The following SEC24A variants were observed in gnomAD, a reference collection of about 807,000 sequenced individuals.
The protein encoded by SEC24A is protein transport protein Sec24A.
Under a neutral mutation model 129.4 loss-of-function variants are expected in SEC24A, and 93 were observed. The observed-to-expected ratio is 0.72, with a 90% CI of 0.61 to 0.85. The LOEUF (loss-of-function observed/expected upper bound fraction) is 0.85, where lower values mean the gene tolerates loss of function less well. SEC24A is among the 40% of genes least tolerant of loss of function. The probability of loss-of-function intolerance (pLI) is 0.00; values close to 1 mark genes in which losing one functional copy is unlikely to be tolerated. For missense variants in SEC24A, 1,264 were observed against 1,307.4 expected (o/e 0.97, Z 0.51); for synonymous variants, 460 against 467.3 (o/e 0.98, Z 0.20).
At chr5:134,723,822 C>T in intron 22 of SEC24A, 152 bp downstream of exon 22, 1 of 574,532 alleles carries the variant, frequency 1.7e-6, no homozygotes, top group Non-Finnish European at 3.1e-6. Context: ...ATTGGAAATA[C>T]AGAACTTTTT....
intron 2 of SEC24A, among the ~76,000 whole-genome samples, chr5:134,661,945 C>T (rs1750479724): frequency 6.6e-6 from 1 of 151,092 alleles, no homozygotes; most frequent in Non-Finnish European, 1.5e-5. Context: ...CCTCAGCCTC[C>T]AGAGTAGCTG....
At chr5:134,668,536 G>A (rs879438768) in intron 3 of SEC24A, among the ~76,000 whole-genome samples, 1 of 152,190 alleles carries the variant, frequency 6.6e-6, no homozygotes, top group Admixed American at 6.6e-5. Context: ...GACCAGCCTG[G>A]CCAGCATGGC....
chr5:134,695,180 G>A (rs1214169813), intron 13 of SEC24A, among the ~76,000 whole-genome samples: 1 of 151,944 alleles, frequency 6.6e-6, no homozygotes, highest in Non-Finnish European at 1.5e-5. Flanking sequence ...GACCAATCTG[G>A]GCAACATAGT....
chr5:134,671,797 C>T lies in SEC24A; in HGVS notation c.740-12C>T. 6.6e-7 allele frequency: 1 copy of T among 1,521,844 alleles called. No homozygotes were observed. The highest frequency in any genetic ancestry group is 8.9e-7 in the Non-Finnish European group (1 of 1,118,628). The allele number at this position is 1,521,844 out of a possible 1,614,324, so 94.3% of individuals were successfully genotyped here. A position where few individuals can be genotyped will look rare whatever the true frequency, so the allele number is the denominator to read the frequency against. The stretch of plus-strand genomic sequence containing the variant: ...TTCTAATTAAAATCTTGTTGATGAA[C>T]TTCCTTCTTAGGTATTACATCAAAT... On this transcript the variant is annotated splice_polypyrimidine_tract_variant and intron_variant, in intron 3 of 22. Transcript: ENST00000398844.
Position 134,674,894 on chromosome 5 carries a change from A to G in SEC24A, c.978+119A>G, listed in dbSNP as rs1305653775. 4 of 1,111,750 alleles carry G rather than the reference A, an allele frequency of 3.6e-6. No homozygotes were observed. In the East Asian group the frequency reaches 7.8e-5, roughly 22 times the overall value. 68.9% of individuals were successfully genotyped at this position (1,111,750 alleles called of 1,614,324 possible). On this transcript the variant is annotated intron_variant, in intron 5 of 22. Transcript: ENST00000398844. ...TTATAACCATTTAGAATAATAATGG[A>G]TATTTCATAAAGCCTTTGTCTTTAT...
At chr5:134,690,763 T>C (rs1000547064) in intron 11 of SEC24A, among the ~76,000 whole-genome samples, 3 of 152,236 alleles carry the variant, frequency 2.0e-5, no homozygotes, top group Non-Finnish European at 2.9e-5. Flanking sequence ...CCTGAGAGGC[T>C]CATCTGAAGT....
intron 1 of SEC24A, among the ~76,000 whole-genome samples, chr5:134,657,222 C>T (rs923539407): frequency 1.4e-5 from 2 of 146,254 alleles, no homozygotes; most frequent in South Asian, 2.1e-4. Flanking sequence ...ACAACCAAAA[C>T]TTATATTTTG....
intron 12 of SEC24A, chr5:134,693,268 C>T: frequency 7.0e-7 from 1 of 1,432,720 alleles, no homozygotes; most frequent in African/African-American, 1.4e-5. Flanking sequence ...TTTGTACAAC[C>T]TAACCTGTAA....
chr5:134,686,309 A>G (rs946142223), intron 9 of SEC24A, among the ~76,000 whole-genome samples: 4 of 150,836 alleles, frequency 2.7e-5, no homozygotes, highest in Non-Finnish European at 5.9e-5. Context: ...ATCTCGGCTC[A>G]CTGCAACCTC....
chr5:134,672,069 G>A (rs977504795), intron 4 of SEC24A, among the ~76,000 whole-genome samples, 183 bp downstream of exon 4: 2 of 152,188 alleles, frequency 1.3e-5, no homozygotes, highest in African/African-American at 4.8e-5. Flanking sequence ...TCAGGCTGGA[G>A]TGCAGTGGTG....
intron 7 of SEC24A, 94 bp downstream of exon 7, chr5:134,676,219 A>G (rs1466709475): frequency 1.2e-6 from 1 of 801,210 alleles, no homozygotes; most frequent in African/African-American, 1.8e-5. Context: ...AGCTTATTGC[A>G]ACCTCTGCCC....
chr5:134,676,226 G>T (rs1035883502), intron 7 of SEC24A, 101 bp downstream of exon 7: 5 of 734,364 alleles, frequency 6.8e-6, no homozygotes, highest in Non-Finnish European at 1.1e-5. Flanking sequence ...TGCAACCTCT[G>T]CCCTCCATGT....
At chr5:134,660,590 T>C (rs1750417704) in intron 1 of SEC24A, among the ~76,000 whole-genome samples, 3 of 151,724 alleles carry the variant, frequency 2.0e-5, no homozygotes, top group Non-Finnish European at 1.5e-5. Context: ...TTTTTTTTTT[T>C]TGTCACCCAG....
chr5:134,668,444 G>T (rs893876173), intron 3 of SEC24A, among the ~76,000 whole-genome samples: 4 of 152,164 alleles, frequency 2.6e-5, no homozygotes, highest in Non-Finnish European at 5.9e-5. Flanking sequence ...CAGAAATTAA[G>T]GCCAGGTGCG....
rs70976552 is a variant in SEC24A at position 134,664,792 on chromosome 5, C to CTTTTTTTTTTTTTTT, written c.566-2021_566-2007dup. 2.0e-4 allele frequency among the ~76,000 whole-genome samples: 17 copies of CTTTTTTTTTTTTTTT among 86,190 alleles called. 1 individual carries two copies. Among genetic ancestry groups the CTTTTTTTTTTTTTTT allele is most frequent in the Admixed American group, 5.6e-4 (3 of 5,340 alleles). 56.5% of individuals were successfully genotyped at this position (86,190 alleles called of 152,430 possible). A position where few individuals can be genotyped will look rare whatever the true frequency, so the allele number is the denominator to read the frequency against. On this transcript the variant is annotated intron_variant, in intron 2 of 22. Transcript: ENST00000398844. ...TCAGTAATAGGCAATTTTTCTTTTT[C>CTTTTTTTTTTTTTTT]TTTTTTTTTTTTTTTTTTTTTTTTG...
intron 11 of SEC24A, 84 bp downstream of exon 11, chr5:134,688,383 T>G: frequency 1.2e-6 from 1 of 816,294 alleles, no homozygotes; most frequent in Non-Finnish European, 2.1e-6. Flanking sequence ...GTGTGTTGTT[T>G]GTAGTATGTC....
intron 17 of SEC24A, among the ~76,000 whole-genome samples, chr5:134,706,115 G>A (rs1171469713): frequency 6.6e-6 from 1 of 152,120 alleles, no homozygotes; most frequent in Non-Finnish European, 1.5e-5. Context: ...TTGAACTCCC[G>A]ACCTCATGTA....
intron 7 of SEC24A, among the ~76,000 whole-genome samples, chr5:134,677,749 A>G (rs768852197): frequency 6.7e-4 from 102 of 151,812 alleles, no homozygotes; most frequent in Non-Finnish European, 5.0e-4. Flanking sequence ...AGGCAAGGGA[A>G]TCGCTTGAAC....
chr5:134,654,226 A>C lies in SEC24A; in HGVS notation c.97+5053A>C, dbSNP rs191980013. ...CCTTTTTCAAAAAAAAAAAATATAT[A>C]TATATATTTTTTGAGACGGAGTCTC... On this transcript the variant is annotated intron_variant, in intron 1 of 22. Transcript: ENST00000398844. 7.4e-4 allele frequency among the ~76,000 whole-genome samples: 112 copies of C among 151,512 alleles called. No homozygotes were observed. In the East Asian group the frequency reaches 0.021, roughly 28 times the overall value.
Sources: allele counts gnomAD v4.1 joint callset (sites outside exome capture counted in the v4.1 genomes callset), GRCh38; gene constraint gnomAD v4.1.1; transcripts MANE v1.5; gene names NCBI Gene and HGNC (gene_info 2026-07-23, HGNC 2026-07-21).